The following LPP variants were observed in gnomAD, a reference collection of about 807,000 sequenced individuals.
LPP encodes the protein lipoma-preferred partner.
A neutral mutation model predicts 60.4 loss-of-function variants in LPP; 38 were observed. The observed-to-expected ratio is 0.63, with a 90% CI of 0.49 to 0.83. The LOEUF is 0.83. Ranked by LOEUF, LPP falls within the 40% of genes least tolerant of loss-of-function variation. The probability of loss-of-function intolerance (pLI) is 0.00; values close to 1 mark genes in which losing one functional copy is unlikely to be tolerated. For missense variants in LPP, 902 were observed against 783.6 expected (o/e 1.15, Z -1.80); for synonymous variants, 328 against 290.8 (o/e 1.13, Z -1.30).
chr3:188,179,850 G>T, intron 1 of LPP: 1 of 263,982 alleles, frequency 3.8e-6, no homozygotes, highest in South Asian at 3.9e-5. Context: ...ACAGATAATG[G>T]CACCTTGAGG....
intron 6 of LPP, among the ~76,000 whole-genome samples, chr3:188,538,309 G>A (rs972294279): frequency 6.6e-6 from 1 of 152,080 alleles, no homozygotes; most frequent in African/African-American, 2.4e-5. Context: ...TCTGTTAAGG[G>A]GCTTATATCT....
At chr3:188,576,565 G>A (rs922367507) in intron 6 of LPP, among the ~76,000 whole-genome samples, 2 of 152,148 alleles carry the variant, frequency 1.3e-5, no homozygotes, top group African/African-American at 4.8e-5. Context: ...GCAGTCCAGT[G>A]CTCTTCACTT....
chr3:188,363,730 C>T (rs1220862142), intron 3 of LPP, among the ~76,000 whole-genome samples: 2 of 151,800 alleles, frequency 1.3e-5, no homozygotes, highest in Admixed American at 6.6e-5. Flanking sequence ...CATGGTGAAA[C>T]CCCGTCTCTA....
At chr3:188,403,068 G>C (rs1782622269) in intron 3 of LPP, among the ~76,000 whole-genome samples, 1 of 152,178 alleles carries the variant, frequency 6.6e-6, no homozygotes, top group Non-Finnish European at 1.5e-5. Flanking sequence ...GGTAAGAGAA[G>C]ATACTGAGGA....
At chr3:188,317,012 C>T (rs1054494217) in intron 2 of LPP, among the ~76,000 whole-genome samples, 11 of 152,306 alleles carry the variant, frequency 7.2e-5, no homozygotes, top group Non-Finnish European at 1.5e-4. Context: ...AGCTGTGATT[C>T]AGGCTCTGAA....
At chr3:188,386,272 A>ACG (rs2148623033) in intron 3 of LPP, among the ~76,000 whole-genome samples, 1 of 136,290 alleles carries the variant, frequency 7.3e-6, no homozygotes, top group South Asian at 2.1e-4. Context: ...GCGCACACAC[A>ACG]CACACACACA....
chr3:188,874,430 A>G lies in LPP; in HGVS notation c.1790A>G (p.Asn597Ser). 6.2e-7 allele frequency: 1 copy of G among 1,614,170 alleles called. No homozygotes were observed. Among genetic ancestry groups the G allele is most frequent in the Non-Finnish European group, 8.5e-7 (1 of 1,180,006 alleles). The change falls in exon 12 of 12, where the codon AAC (asparagine) becomes AGC (serine). Residue 597 changes from asparagine (N) to serine (S), a missense_variant. Transcript: ENST00000617246. The part of the protein sequence containing the change: ...LDGHILCKTC[N>S]SARIRVLTAK... ...GGGCACATCCTCTGCAAGACCTGCA[A>G]CTCTGCCCGCATCAGGGTGTTGACC...
At chr3:188,600,003 A>G (rs1249023664) in intron 6 of LPP, among the ~76,000 whole-genome samples, 1 of 151,878 alleles carries the variant, frequency 6.6e-6, no homozygotes, top group African/African-American at 2.4e-5. Flanking sequence ...ATAAACAAAA[A>G]CATAAAATGG....
intron 4 of LPP, among the ~76,000 whole-genome samples, chr3:188,452,455 A>C (rs989732599): frequency 3.9e-5 from 6 of 152,162 alleles, no homozygotes; most frequent in African/African-American, 1.2e-4. Context: ...CGATATTGTC[A>C]GCTAAGATGC....
intron 9 of LPP, among the ~76,000 whole-genome samples, chr3:188,786,398 A>G (rs1242127309): frequency 1.3e-5 from 2 of 150,134 alleles, no homozygotes; most frequent in African/African-American, 4.9e-5. Context: ...AAAAAAAAAA[A>G]AAAAAAAAAA....
chr3:188,660,426 C>G (rs1230458611), intron 7 of LPP, among the ~76,000 whole-genome samples: 2 of 152,130 alleles, frequency 1.3e-5, no homozygotes, highest in Non-Finnish European at 2.9e-5. Flanking sequence ...TTATGTTATT[C>G]TCATAGTCAC....
intron 1 of LPP, among the ~76,000 whole-genome samples, chr3:188,194,504 G>T (rs4686938): frequency 0.17 from 25,864 of 152,148 alleles, 3,280 homozygotes; most frequent in East Asian, 0.57. Flanking sequence ...CTCTACTTTG[G>T]AGGCAAGCTC....
At chr3:188,258,662 T>A (rs1473060824) in intron 2 of LPP, among the ~76,000 whole-genome samples, 1 of 152,164 alleles carries the variant, frequency 6.6e-6, no homozygotes, top group Admixed American at 6.5e-5. Context: ...ATGGGCTAGG[T>A]TGGGGTTCTC....
Position 188,722,019 on chromosome 3 carries a change from A to G in LPP, c.1240+13626A>G, listed in dbSNP as rs556463762. 7.2e-5 allele frequency among the ~76,000 whole-genome samples: 11 copies of G among 152,310 alleles called. No individual in the cohort carries two copies. In the East Asian group the frequency reaches 2.1e-3, roughly 29 times the overall value. On this transcript the variant is annotated intron_variant, in intron 8 of 11. Transcript: ENST00000617246. ...GGTGAGTAAGAAAAGCAGCTGCCCC[A>G]TATAAAATTTCAGTGCTGCTTGCCT...
intron 8 of LPP, among the ~76,000 whole-genome samples, chr3:188,741,232 T>C (rs1007270735): frequency 4.6e-5 from 7 of 151,784 alleles, no homozygotes; most frequent in Admixed American, 3.3e-4. Flanking sequence ...GGTTCAAAGT[T>C]TCCTTTGAAT....
chr3:188,474,672 AC>A (rs1475546997), intron 4 of LPP, among the ~76,000 whole-genome samples: 1 of 152,138 alleles, frequency 6.6e-6, no homozygotes, highest in Non-Finnish European at 1.5e-5. Context: ...GTAAATTAAG[AC>A]TTTTTGTTGT....
intron 10 of LPP, among the ~76,000 whole-genome samples, chr3:188,872,049 G>A (rs1411605458): frequency 1.3e-5 from 2 of 152,154 alleles, no homozygotes; most frequent in African/African-American, 4.8e-5. Flanking sequence ...AATAAAAAAT[G>A]TAGGAAATGC....
At chr3:188,703,405 A>G (rs1864872342) in intron 7 of LPP, among the ~76,000 whole-genome samples, 3 of 152,230 alleles carry the variant, frequency 2.0e-5, no homozygotes, top group Admixed American at 2.0e-4. Flanking sequence ...CAGTAAGAAT[A>G]GTACTGGATT....
intron 2 of LPP, among the ~76,000 whole-genome samples, chr3:188,249,418 C>T (rs1728271736): frequency 6.7e-6 from 1 of 148,284 alleles, no homozygotes; most frequent in Admixed American, 6.8e-5. Flanking sequence ...CACTGGGCGA[C>T]AGAGCAAGAG....
Sources: gnomAD v4.1 joint callset for allele counts (sites outside exome capture counted in the v4.1 genomes callset) on GRCh38, gnomAD v4.1.1 for gene constraint, MANE v1.5 for transcripts, NCBI Gene and HGNC (gene_info 2026-07-23, HGNC 2026-07-21) for gene names.